The following GRB10 variants were observed in gnomAD, a reference collection of about 807,000 sequenced individuals.
GRB10 encodes growth factor receptor-bound protein 10.
In GRB10, 20 loss-of-function variants were observed where a neutral mutation model predicts 80.9. The observed-to-expected ratio is 0.25, with a 90% CI of 0.17 to 0.36. GRB10 has a LOEUF of 0.36. Ranked by LOEUF, GRB10 falls within the 10% of genes least tolerant of loss-of-function variation. GRB10 has a pLI of 1.00. For synonymous variants in GRB10, 291 were observed against 291.5 expected (o/e 1.00, Z 0.02); for missense variants, 548 against 747.7 (o/e 0.73, Z 3.12).
At chr7:50,612,496 T>A (rs951291582) in intron 13 of GRB10, among the ~76,000 whole-genome samples, 1 of 152,344 alleles carries the variant, frequency 6.6e-6, no homozygotes, top group African/African-American at 2.4e-5. Context: ...AGAATTATTC[T>A]ACCCAAAATG....
chr7:50,673,874 C>T (rs1457579062), intron 6 of GRB10, among the ~76,000 whole-genome samples: 1 of 152,204 alleles, frequency 6.6e-6, no homozygotes, highest in Non-Finnish European at 1.5e-5. Context: ...TCCTATCACC[C>T]TTTGACATCC....
At chr7:50,771,789 T>C (rs2077004839) in intron 2 of GRB10, among the ~76,000 whole-genome samples, 1 of 152,166 alleles carries the variant, frequency 6.6e-6, no homozygotes, top group Non-Finnish European at 1.5e-5. Context: ...TGCTGCAGGA[T>C]TACCACTCTC....
chr7:50,726,529 A>G (rs1189260379), intron 4 of GRB10, among the ~76,000 whole-genome samples: 2 of 152,242 alleles, frequency 1.3e-5, no homozygotes, highest in Non-Finnish European at 2.9e-5. Context: ...AGGCATTAAA[A>G]AGAAAAGCAC....
intron 4 of GRB10, among the ~76,000 whole-genome samples, chr7:50,718,111 C>A (rs1429942048): frequency 2.0e-5 from 3 of 152,184 alleles, no homozygotes; most frequent in Non-Finnish European, 4.4e-5. Flanking sequence ...CAGGGGATTC[C>A]CAAGGCAAGA....
At chr7:50,748,558 C>T (rs1451119866) in intron 3 of GRB10, among the ~76,000 whole-genome samples, 1 of 152,242 alleles carries the variant, frequency 6.6e-6, no homozygotes, top group East Asian at 1.9e-4. Flanking sequence ...AAAAACAAGC[C>T]TTTGTGGAAC....
chr7:50,723,305 C>T (rs2068051605), intron 4 of GRB10, among the ~76,000 whole-genome samples: 1 of 152,212 alleles, frequency 6.6e-6, no homozygotes, highest in African/African-American at 2.4e-5. Context: ...GTACAATTCT[C>T]CTTCCTCTAT....
intron 7 of GRB10, among the ~76,000 whole-genome samples, chr7:50,650,298 CTAG>C (rs1039377412): frequency 3.9e-5 from 6 of 152,188 alleles, no homozygotes; most frequent in Admixed American, 2.0e-4. Context: ...TTTCAGGCAC[CTAG>C]TAGAACAGAG....
intron 2 of GRB10, chr7:50,761,855 G>C (rs2075801549): frequency 6.6e-6 from 1 of 152,082 alleles, no homozygotes; most frequent in Non-Finnish European, 1.5e-5. Flanking sequence ...GTTCTCAAGA[G>C]ACCTGGTTGT....
In GRB10 at chr7:50,590,611, T is replaced by G. The variant is rs1027733117; in HGVS notation, c.*2341A>C. The G allele has an allele frequency of 6.6e-5, 10 of 152,640 alleles. No individual in the cohort carries two copies. The highest frequency in any genetic ancestry group is 1.5e-5 in the Non-Finnish European group (1 of 68,040). 9.5% of individuals were successfully genotyped at this position (152,640 alleles called of 1,614,324 possible). A position where few individuals can be genotyped will look rare whatever the true frequency, so the allele number is the denominator to read the frequency against. ...AAGTCAACAGGCTCCAAAACAACCC[T>G]GAGCTGTCCCCTTTACATTCATGTC... On this transcript the variant is annotated 3_prime_UTR_variant, in exon 19 of 19. Coordinates refer to ENST00000401949, the MANE Select transcript of GRB10 (RefSeq NM_001350814.2).
intron 14 of GRB10, 150 bp downstream of exon 14, chr7:50,606,187 C>G (rs1470939059): frequency 1.1e-5 from 8 of 758,864 alleles, no homozygotes. Flanking sequence ...ACAAAACCCA[C>G]GTCATCGTGG....
chr7:50,673,083 A>G (rs987340591), intron 6 of GRB10, among the ~76,000 whole-genome samples: 1 of 152,236 alleles, frequency 6.6e-6, no homozygotes, highest in African/African-American at 2.4e-5. Flanking sequence ...GGGCTGCGGA[A>G]GACCCAAGAT....
rs386410130 is a variant in GRB10 at position 50,709,557 on chromosome 7, C to CTTT, written c.52-5652_52-5650dup. 9.7e-4 allele frequency among the ~76,000 whole-genome samples: 139 copies of CTTT among 143,932 alleles called. 1 individual carries two copies. In the East Asian group the frequency reaches 0.016, roughly 16 times the overall value. 94.4% of individuals were successfully genotyped at this position (143,932 alleles called of 152,430 possible). A position where few individuals can be genotyped will look rare whatever the true frequency, so the allele number is the denominator to read the frequency against. ...TTTCTCCAGACCCCTCCATTAAACT[C>CTTT]TTTTTTTTTGCTCCCCACCCCCACC... On this transcript the variant is annotated intron_variant, in intron 4 of 18. Transcript: ENST00000401949.
At chr7:50,773,469 AGGG>A (rs2077228774) in intron 2 of GRB10, among the ~76,000 whole-genome samples, 2 of 9,136 alleles carry the variant, frequency 2.2e-4, no homozygotes, top group South Asian at 6.1e-3. Context: ...AGGGGAAGGC[AGGG>A]GAGGGGAAGG....
chr7:50,661,023 G>A (rs992280815), intron 7 of GRB10, among the ~76,000 whole-genome samples: 4 of 152,216 alleles, frequency 2.6e-5, no homozygotes, highest in African/African-American at 7.2e-5. Context: ...GCTTGCCAGC[G>A]GGTGGAAGGG....
chr7:50,769,892 C>T lies in GRB10; in HGVS notation c.-217+10735G>A, dbSNP rs534177411. ...CACTCTCGGGTGGATGATCGAATGA[C>T]GTTGGTATCACAGTTTCTTTTACAA... is the stretch of plus-strand genomic sequence containing the variant. On this transcript the variant is annotated intron_variant, in intron 2 of 18. Transcript: ENST00000401949. Among the ~76,000 whole-genome samples the T allele has an allele frequency of 3.9e-5, 6 of 152,256 alleles. No homozygotes were observed. The East Asian group carries it at 9.6e-4, about 24-fold the overall frequency.
At chr7:50,761,751 G>A (rs1179216404) in intron 2 of GRB10, 1 of 152,246 alleles carries the variant, frequency 6.6e-6, no homozygotes, top group Non-Finnish European at 1.5e-5. Context: ...AACCCCCAGT[G>A]TTGGAGGTGG....
intron 7 of GRB10, among the ~76,000 whole-genome samples, chr7:50,629,713 T>C (rs2053648313): frequency 6.6e-6 from 1 of 152,262 alleles, no homozygotes; most frequent in Non-Finnish European, 1.5e-5. Context: ...TACAGGGTAC[T>C]GCCAGCCACT....
At chr7:50,664,410 A>T (rs1586583692) in intron 7 of GRB10, among the ~76,000 whole-genome samples, 1 of 152,290 alleles carries the variant, frequency 6.6e-6, no homozygotes, top group East Asian at 1.9e-4. Context: ...CAGCAGAGGG[A>T]GACAGTCACC....
intron 7 of GRB10, among the ~76,000 whole-genome samples, chr7:50,629,226 T>C (rs1047689340): frequency 1.3e-5 from 2 of 152,222 alleles, no homozygotes; most frequent in Non-Finnish European, 2.9e-5. Context: ...TTGCCACTTT[T>C]CTTGTTCAAA....
Sources: allele counts gnomAD v4.1 joint callset (sites outside exome capture counted in the v4.1 genomes callset), GRCh38; gene constraint gnomAD v4.1.1; transcripts MANE v1.5; gene names NCBI Gene and HGNC (gene_info 2026-07-23, HGNC 2026-07-21).